RFX2: variants seen among roughly 807,000 people sequenced by gnomAD.
RFX2 encodes DNA-binding protein RFX2.
A neutral mutation model predicts 87.8 loss-of-function variants in RFX2; 20 were observed. The observed-to-expected ratio is 0.23, with a 90% CI of 0.16 to 0.33. The LOEUF is 0.33. Ranked by LOEUF, RFX2 falls within the 10% of genes least tolerant of loss-of-function variation. RFX2 has a pLI of 1.00. For missense variants in RFX2, 767 were observed against 1,012.3 expected (o/e 0.76, Z 3.29); for synonymous variants, 397 against 431.3 (o/e 0.92, Z 0.98).
intron 13 of RFX2, among the ~76,000 whole-genome samples, chr19:6,003,778 CAAAAAAA>C (rs57470328): frequency 1.9e-3 from 78 of 41,990 alleles, no homozygotes; most frequent in East Asian, 6.6e-3. Context: ...GACTCTGTCT[CAAAAAAA>C]AAAAAAAAAA....
rs1418428342 is a variant in RFX2 at position 5,997,727 on chromosome 19, CTG to C, written c.1860-516_1860-515del. ...ACAAAAAGCCAGGGTGCTTTAGTCT[CTG>C]TCAGCGAAAGCAGGGGTTTCAGAGA... On this transcript the variant is annotated intron_variant, in intron 15 of 17. Transcript: ENST00000303657. The surrounding 1 kb of genome is among the most constrained non-coding windows in gnomAD (Gnocchi z 4.2). Among the ~76,000 whole-genome samples the C allele has an allele frequency of 6.6e-6, 1 of 152,234 alleles. No individual in the cohort carries two copies. The highest frequency in any genetic ancestry group is 1.5e-5 in the Non-Finnish European group (1 of 68,042).
At chr19:6,018,239 G>A (rs1430248826) in intron 6 of RFX2, among the ~76,000 whole-genome samples, 1 of 152,162 alleles carries the variant, frequency 6.6e-6, no homozygotes, top group Non-Finnish European at 1.5e-5. Context: ...CAAAGTGCTG[G>A]GATTACAGGC....
chr19:6,079,814 A>C (rs1257193597), intron 1 of RFX2, among the ~76,000 whole-genome samples: 1 of 150,254 alleles, frequency 6.7e-6, no homozygotes, highest in East Asian at 2.0e-4. Context: ...TGAACCAGGG[A>C]GCCGGAGGTT....
intron 1 of RFX2, among the ~76,000 whole-genome samples, chr19:6,093,931 G>A (rs2087983021): frequency 6.6e-6 from 1 of 152,168 alleles, no homozygotes; most frequent in African/African-American, 2.4e-5. Flanking sequence ...GCTGCCAGGG[G>A]CTGGGGAAGG....
intron 1 of RFX2, among the ~76,000 whole-genome samples, chr19:6,053,505 G>C (rs1365086339): frequency 1.3e-5 from 2 of 152,182 alleles, no homozygotes; most frequent in South Asian, 4.1e-4. Flanking sequence ...TGAAAATGCT[G>C]TGTTAATGCA....
At chr19:6,006,758 AT>A (rs766700053) in intron 12 of RFX2, among the ~76,000 whole-genome samples, 773 of 138,498 alleles carry the variant, frequency 5.6e-3, no homozygotes, top group Non-Finnish European at 5.5e-3. Context: ...CCCCAGATAA[AT>A]TTTTTTTTTT....
intron 1 of RFX2, among the ~76,000 whole-genome samples, chr19:6,051,568 T>C (rs1018385303): frequency 2.6e-5 from 4 of 152,008 alleles, no homozygotes; most frequent in Non-Finnish European, 5.9e-5. Flanking sequence ...TCAAATGAAA[T>C]CCTACTTAAC....
Position 6,063,623 on chromosome 19 carries a change from C to A in RFX2, c.-8-16119G>T, listed in dbSNP as rs143433244. Among the ~76,000 whole-genome samples the A allele has an allele frequency of 3.9e-4, 60 of 152,328 alleles. 1 individual carries two copies. Among genetic ancestry groups the A allele is most frequent in the African/African-American group, 1.4e-3 (58 of 41,558 alleles). ...AGGGAGGCAGAGAGACAGCAGCCAG[C>A]AGCTCCAAAGGGGATCCCAGGCAAG... On this transcript the variant is annotated intron_variant, in intron 1 of 17. Coordinates refer to ENST00000303657, the MANE Select transcript of RFX2 (RefSeq NM_000635.4). The surrounding 1 kb of genome is among the most constrained non-coding windows in gnomAD (Gnocchi z 4.0).
intron 1 of RFX2, among the ~76,000 whole-genome samples, chr19:6,091,671 T>C (rs2087937290): frequency 6.6e-6 from 1 of 152,116 alleles, no homozygotes; most frequent in Non-Finnish European, 1.5e-5. Flanking sequence ...TTTTCAGAAA[T>C]AAACTTCAGT....
intron 1 of RFX2, chr19:6,077,097 C>T (rs537518574): frequency 1.3e-5 from 2 of 152,372 alleles, no homozygotes; most frequent in East Asian, 3.9e-4. Flanking sequence ...GGCTGAGCAA[C>T]TCATAAATCG....
At chr19:6,037,876 G>C (rs2087045531) in intron 5 of RFX2, among the ~76,000 whole-genome samples, 1 of 152,038 alleles carries the variant, frequency 6.6e-6, no homozygotes, top group Non-Finnish European at 1.5e-5. Context: ...ACTGATTTTT[G>C]ACAAAGGTGT....
At chr19:6,036,670 T>G (rs1161716556) in intron 5 of RFX2, among the ~76,000 whole-genome samples, 1 of 152,182 alleles carries the variant, frequency 6.6e-6, no homozygotes, top group East Asian at 1.9e-4. Flanking sequence ...AAAAAACGTT[T>G]GACAGAATTC....
intron 1 of RFX2, among the ~76,000 whole-genome samples, chr19:6,105,676 G>A (rs1446016249): frequency 1.3e-5 from 2 of 152,166 alleles, no homozygotes; most frequent in East Asian, 3.9e-4. Flanking sequence ...GCTGGTGGCT[G>A]GGACCAGAGG....
Position 6,074,915 on chromosome 19 carries a change from A to G in RFX2, c.-8-27411T>C, listed in dbSNP as rs2087667697. Among the ~76,000 whole-genome samples, 1 of 152,098 alleles carries G rather than the reference A, an allele frequency of 6.6e-6. No individual in the cohort carries two copies. The highest frequency in any genetic ancestry group is 1.5e-5 in the Non-Finnish European group (1 of 68,008). ...GAATGTTGTGTCCCCTTAAATTCCT[A>G]TGCTGAACTCCTCACCCCAAGGCAG... On this transcript the variant is annotated intron_variant, in intron 1 of 17. Coordinates refer to ENST00000303657, the MANE Select transcript of RFX2 (RefSeq NM_000635.4). The surrounding 1 kb of genome is among the most constrained non-coding windows in gnomAD (Gnocchi z 5.2).
chr19:6,056,451 T>C lies in RFX2; in HGVS notation c.-8-8947A>G, dbSNP rs909759729. On this transcript the variant is annotated intron_variant, in intron 1 of 17. Coordinates refer to ENST00000303657, the MANE Select transcript of RFX2 (RefSeq NM_000635.4). This position sits in a 1 kb window ranked among gnomAD's most constrained non-coding sequence, Gnocchi z 4.6. ...TTCCAGGTAAGCGCAGTAGCTCACA[T>C]GGTCCTCCCAGAAGGGGTGATGCTG... Among the ~76,000 whole-genome samples the C allele has an allele frequency of 6.6e-6, 1 of 152,136 alleles. No homozygotes were observed. Among genetic ancestry groups the C allele is most frequent in the East Asian group, 1.9e-4 (1 of 5,190 alleles).
chr19:6,058,164 G>A (rs998741321), intron 1 of RFX2, among the ~76,000 whole-genome samples: 1 of 152,182 alleles, frequency 6.6e-6, no homozygotes, highest in Non-Finnish European at 1.5e-5. Flanking sequence ...CATTGGGGAC[G>A]GATCCATCTC....
intron 1 of RFX2, among the ~76,000 whole-genome samples, chr19:6,107,087 A>C (rs933339308): frequency 6.6e-5 from 10 of 151,558 alleles, no homozygotes; most frequent in Non-Finnish European, 1.3e-4. Context: ...CATGGTCAGG[A>C]GATCGAGACC....
At chr19:6,032,873 T>C (rs1234493091) in intron 5 of RFX2, among the ~76,000 whole-genome samples, 2 of 152,196 alleles carry the variant, frequency 1.3e-5, no homozygotes, top group Non-Finnish European at 2.9e-5. Context: ...ACTACAGCCT[T>C]GACCTCCTGG....
intron 5 of RFX2, among the ~76,000 whole-genome samples, chr19:6,031,679 C>T (rs2086955988): frequency 1.3e-5 from 2 of 152,098 alleles, no homozygotes; most frequent in South Asian, 4.1e-4. Context: ...ATCCACCCGC[C>T]TTGGCCTCCC....
Sources: gnomAD v4.1 joint callset for allele counts (sites outside exome capture counted in the v4.1 genomes callset) on GRCh38, gnomAD v4.1.1 for gene constraint, Gnocchi (gnomAD v3.1) non-coding constraint, MANE v1.5 for transcripts, NCBI Gene and HGNC (gene_info 2026-07-23, HGNC 2026-07-21) for gene names.